The following EXOC6 variants were observed in gnomAD, a reference collection of about 807,000 sequenced individuals.
EXOC6 encodes exocyst complex component 6.
Under a neutral mutation model 112.5 loss-of-function variants are expected in EXOC6, and 60 were observed. That is an observed-to-expected ratio of 0.53 (90% CI 0.43 to 0.66). The LOEUF is 0.66. Among genes scored for constraint, EXOC6 ranks in the 30% least tolerant of loss-of-function variants. The pLI, the probability that EXOC6 is intolerant of heterozygous loss-of-function variation, is 0.00. For missense variants in EXOC6, 855 were observed against 957.1 expected, an observed-to-expected ratio of 0.89 and a Z score of 1.41; for synonymous variants, 295 against 308.0, an observed-to-expected ratio of 0.96 and a Z score of 0.44.
At chr10:93,016,358 C>T (rs1844513587) in intron 20 of EXOC6, among the ~76,000 whole-genome samples, 1 of 151,136 alleles carries the variant, frequency 6.6e-6, no homozygotes, top group African/African-American at 2.4e-5. Context: ...CCAGGCTGGT[C>T]TCGAACTCCC....
chr10:93,054,672 G>C (rs893851415), intron 20 of EXOC6, among the ~76,000 whole-genome samples: 1 of 152,194 alleles, frequency 6.6e-6, no homozygotes, highest in African/African-American at 2.4e-5. Flanking sequence ...GTTGGTGCGG[G>C]TTTTTCATTC....
chr10:93,011,265 AT>A (rs141989402), intron 19 of EXOC6, among the ~76,000 whole-genome samples: 1,547 of 148,064 alleles, frequency 0.01, 31 homozygotes, highest in African/African-American at 0.036. Context: ...GGTCCTAAGT[AT>A]TTTTTTTTAA....
intron 1 of EXOC6, among the ~76,000 whole-genome samples, chr10:92,854,001 C>T (rs1346675107): frequency 8.1e-6 from 1 of 123,046 alleles, no homozygotes; most frequent in African/African-American, 3.0e-5. Flanking sequence ...GAGTGAGTCC[C>T]TGTCTCAAAA....
chr10:92,901,862 T>C (rs1289329407), intron 5 of EXOC6: 3 of 135,614 alleles, frequency 2.2e-5, no homozygotes, highest in Non-Finnish European at 4.7e-5. Context: ...TAGCTGAGCG[T>C]GGTGGCGCGT....
chr10:92,889,895 G>A (rs897560934), intron 1 of EXOC6, among the ~76,000 whole-genome samples: 3 of 152,070 alleles, frequency 2.0e-5, no homozygotes, highest in East Asian at 3.9e-4. Context: ...GACTACAGGC[G>A]TGTGCCACCA....
At chr10:92,876,246 C>T (rs1350614119) in intron 1 of EXOC6, among the ~76,000 whole-genome samples, 1 of 152,138 alleles carries the variant, frequency 6.6e-6, no homozygotes, top group Non-Finnish European at 1.5e-5. Context: ...TAGTCAAGAT[C>T]TTCATTCCTG....
chr10:92,953,555 TGCTACTTGAAACTAGTGGATAGAG>T (rs1271160436), intron 15 of EXOC6, among the ~76,000 whole-genome samples: 1 of 152,016 alleles, frequency 6.6e-6, no homozygotes, highest in African/African-American at 2.4e-5. Context: ...AGGGGAGAGG[TGCTACTTGAAACTAGTGGATAGAG>T]GCCAAACATC....
intron 1 of EXOC6, among the ~76,000 whole-genome samples, chr10:92,837,806 G>A (rs1047263988): frequency 7.2e-5 from 11 of 152,208 alleles, no homozygotes; most frequent in African/African-American, 2.4e-4. Context: ...AGGATACTGG[G>A]ACTGGAAATG....
At chr10:93,004,306 A>T (rs1028618180) in intron 19 of EXOC6, among the ~76,000 whole-genome samples, 6 of 151,936 alleles carry the variant, frequency 3.9e-5, no homozygotes, top group Non-Finnish European at 8.8e-5. Flanking sequence ...CTATGCTCAT[A>T]ATAAAAGGTC....
At chr10:92,880,181 T>G (rs1253983633) in intron 1 of EXOC6, among the ~76,000 whole-genome samples, 1 of 152,180 alleles carries the variant, frequency 6.6e-6, no homozygotes, top group Non-Finnish European at 1.5e-5. Flanking sequence ...TGGTGTAGTA[T>G]TTACATATAA....
At chr10:92,995,174 G>T (rs954885425) in intron 18 of EXOC6, among the ~76,000 whole-genome samples, 1 of 151,794 alleles carries the variant, frequency 6.6e-6, no homozygotes. Flanking sequence ...TTAGTATTAC[G>T]CATGATATTT....
intron 20 of EXOC6, among the ~76,000 whole-genome samples, chr10:93,039,502 C>T (rs1318324447): frequency 6.6e-6 from 1 of 152,172 alleles, no homozygotes; most frequent in Non-Finnish European, 1.5e-5. Context: ...GCTGCTGCTC[C>T]AGATATCTGG....
At chr10:92,934,266 G>A in intron 10 of EXOC6, 44 bp from the exon 11 acceptor site, 1 of 1,539,284 alleles carries the variant, frequency 6.5e-7, no homozygotes. Flanking sequence ...CTTTCTATTA[G>A]GGTTTTTTTT....
chr10:92,982,696 T>G (rs1462816568), intron 18 of EXOC6, among the ~76,000 whole-genome samples: 1 of 152,196 alleles, frequency 6.6e-6, no homozygotes, highest in Non-Finnish European at 1.5e-5. Flanking sequence ...AATGTACAAG[T>G]GTTACTCTAT....
At chr10:93,042,527 T>C (rs1845828869) in intron 20 of EXOC6, among the ~76,000 whole-genome samples, 1 of 152,232 alleles carries the variant, frequency 6.6e-6, no homozygotes. Context: ...GAAGAGAAAG[T>C]TGGGACTCAG....
intron 8 of EXOC6, among the ~76,000 whole-genome samples, chr10:92,923,833 C>T (rs537079058): frequency 2.0e-4 from 30 of 152,248 alleles, no homozygotes; most frequent in African/African-American, 6.5e-4. Context: ...AAGGCTACCA[C>T]GTTTACTTTA....
chr10:92,935,248 C>T lies in EXOC6; in HGVS notation c.1141-566C>T, dbSNP rs1220579882. ...AAAGAACAATACATTTTATCATGGT[C>T]GATATTCAGATCAGCTCTGAATATA... On this transcript the variant is annotated intron_variant, in intron 11 of 21. Transcript: ENST00000260762. Among the ~76,000 whole-genome samples, 4 of 151,800 alleles carry T rather than the reference C, an allele frequency of 2.6e-5. No homozygotes were observed. The East Asian group carries it at 5.8e-4, about 22-fold the overall frequency.
chr10:93,024,879 A>T (rs541503514), intron 20 of EXOC6, among the ~76,000 whole-genome samples: 2 of 152,284 alleles, frequency 1.3e-5, no homozygotes, highest in East Asian at 3.9e-4. Context: ...TCTTTCTTTG[A>T]CAGTTTGGGA....
At chr10:92,918,655 T>A (rs1851253628) in intron 7 of EXOC6, among the ~76,000 whole-genome samples, 1 of 152,098 alleles carries the variant, frequency 6.6e-6, no homozygotes, top group African/African-American at 2.4e-5. Context: ...AACTCCTGGC[T>A]TCAAGTGGTC....
Sources: gnomAD v4.1 joint callset for allele counts (sites outside exome capture counted in the v4.1 genomes callset) on GRCh38, gnomAD v4.1.1 for gene constraint, MANE v1.5 for transcripts, NCBI Gene and HGNC (gene_info 2026-07-23, HGNC 2026-07-21) for gene names.